SPRYD4: variants seen among roughly 807,000 people sequenced by gnomAD.
The protein encoded by SPRYD4 is SPRY domain-containing protein 4.
A neutral mutation model predicts 16.6 loss-of-function variants in SPRYD4; 12 were observed. That is an observed-to-expected ratio of 0.72 (90% CI 0.46 to 1.17). SPRYD4 has a LOEUF of 1.17. Among genes scored for constraint, SPRYD4 ranks in the 50% most tolerant of loss-of-function variants. SPRYD4 has a pLI of 0.00. For synonymous variants in SPRYD4, 98 were observed against 105.4 expected (o/e 0.93, Z 0.43); for missense variants, 260 against 260.2 (o/e 1.00, Z 0.00).
chr12:56,473,767 A>G lies in SPRYD4; in HGVS notation c.*4190A>G, dbSNP rs7306152. 2,474 of 705,390 alleles carry G rather than the reference A, an allele frequency of 3.5e-3. 52 individuals carry two copies. In the African/African-American group the frequency reaches 0.041, roughly 12 times the overall value. 43.7% of individuals were successfully genotyped at this position (705,390 alleles called of 1,614,324 possible). ...TTACTCCTGTCCTTTCCTTCCCTTA[A>G]ATTCATTGATTCAGCTAGAAAATAT... is the stretch of plus-strand genomic sequence containing the variant. On this transcript the variant is annotated 3_prime_UTR_variant, in exon 2 of 2. Transcript: ENST00000338146.
chr12:56,472,566 A>T lies in SPRYD4; in HGVS notation c.*2989A>T. The T allele has an allele frequency of 2.4e-6, 2 of 841,532 alleles. No homozygotes were observed. Among genetic ancestry groups the T allele is most frequent in the Non-Finnish European group, 3.8e-6 (2 of 529,362 alleles). 52.1% of individuals were successfully genotyped at this position (841,532 alleles called of 1,614,324 possible). A position where few individuals can be genotyped will look rare whatever the true frequency, so the allele number is the denominator to read the frequency against. ...CTCCTTTTTTAAAAAAATTTCATTT[A>T]AATGCAATCTATATCCATTCTAATT... On this transcript the variant is annotated 3_prime_UTR_variant, in exon 2 of 2. Coordinates refer to ENST00000338146, the MANE Select transcript of SPRYD4 (RefSeq NM_207344.4).
chr12:56,469,067 C>T lies in SPRYD4; in HGVS notation c.114C>T (p.Thr38=), dbSNP rs773611493. 26 of 1,571,688 alleles carry T rather than the reference C, an allele frequency of 1.7e-5. No individual in the cohort carries two copies. The highest frequency in any genetic ancestry group is 4.1e-5 in the African/African-American group (3 of 73,036). The stretch of plus-strand genomic sequence containing the variant: ...TCAGTTTCAAACTGGAAGAAAAAAC[C>T]GCCCACAGCAGCCTGGCACTCTTCA... ...RGVSFKLEEK[T]AHSSLALFRD... is the part of the protein sequence containing the mutation. Residue 38 remains threonine (T), a synonymous_variant, in exon 2 of 2, where the codon ACC becomes ACT. Transcript: ENST00000338146.
At position 56,475,605 on chromosome 12, in the gene SPRYD4, C is replaced by T. The variant is rs1869738607; in HGVS notation, c.*6028C>T. Reference sequence around the variant, plus strand: ...ATACACCACAATGCTTTCAGTCAGTCCTCTGAGTAGGGACTTACGTGGCAT... The same window carrying T: ...ATACACCACAATGCTTTCAGTCAGTTCTCTGAGTAGGGACTTACGTGGCAT... On this transcript the variant is annotated 3_prime_UTR_variant, in exon 2 of 2. Transcript: ENST00000338146. The T allele has an allele frequency of 6.2e-7, 1 of 1,613,548 alleles. No individual in the cohort carries two copies. The highest frequency in any genetic ancestry group is 1.7e-4 in the Middle Eastern group (1 of 6,060).
At position 56,469,696 on chromosome 12, in the gene SPRYD4, C is replaced by T. The variant is rs765699508; in HGVS notation, c.*119C>T. 2.1e-6 allele frequency: 2 copies of T among 965,204 alleles called. No homozygotes were observed. Among genetic ancestry groups the T allele is most frequent in the African/African-American group, 1.7e-5 (1 of 60,586 alleles). The allele number at this position is 965,204 out of a possible 1,614,324, so 59.8% of individuals were successfully genotyped here. The stretch of plus-strand genomic sequence containing the variant: ...CTCCCACAATTCAGTGTTGGGTCCT[C>T]TGTGCAATATCATGATCATCTTCCT... On this transcript the variant is annotated 3_prime_UTR_variant, in exon 2 of 2. Coordinates refer to ENST00000338146, the MANE Select transcript of SPRYD4 (RefSeq NM_207344.4).
chr12:56,468,777 C>G, intron 1 of SPRYD4, 101 bp downstream of exon 1: 1 of 1,287,638 alleles, frequency 7.8e-7, no homozygotes, highest in Middle Eastern at 1.9e-4. Context: ...CGGGTCTTTT[C>G]CTTCCCCACC....
Position 56,476,954 on chromosome 12 carries a change from C to T in SPRYD4, c.*7377C>T, listed in dbSNP as rs1869882884. The T allele has an allele frequency of 6.6e-6, 1 of 152,204 alleles. No individual in the cohort carries two copies. The highest frequency in any genetic ancestry group is 6.5e-5 in the Admixed American group (1 of 15,274). The allele number at this position is 152,204 out of a possible 1,614,324, so 9.4% of individuals were successfully genotyped here. On this transcript the variant is annotated 3_prime_UTR_variant, in exon 2 of 2. Transcript: ENST00000338146. ...AATGGGATGAGGCAGGTCCCAGATACAGGTTTGTAGATGGAGCCATCACAG... is the reference window on the plus strand; with the variant it reads ...AATGGGATGAGGCAGGTCCCAGATATAGGTTTGTAGATGGAGCCATCACAG...
chr12:56,468,652 G>C lies in SPRYD4; in HGVS notation c.61G>C (p.Val21Leu). 6.2e-7 allele frequency: 1 copy of C among 1,614,136 alleles called. No homozygotes were observed. Among genetic ancestry groups the C allele is most frequent in the South Asian group, 1.1e-5 (1 of 91,084 alleles). The change falls in exon 1 of 2, where the codon GTT becomes CTT. Residue 21 changes from valine to leucine, a missense_variant. Val to Leu is a conservative substitution (Grantham distance 32). Transcript: ENST00000338146. ...CCGCTGGGGAGCCAAACGATTGGGA[G>C]TTGCCTCCACAGAGGCCCAGAGAGG... is the stretch of plus-strand genomic sequence containing the variant. ...LCRWGAKRLGVASTEAQRGVS... is the reference protein window; with the variant it reads ...LCRWGAKRLGLASTEAQRGVS...
Position 56,469,483 on chromosome 12 carries a change from A to C in SPRYD4, c.530A>C (p.Gln177Pro). ...CAGGTCTCTGTGGTTCACACGCTAC[A>C]GACAGATTTCCGGGGTCCAGTGGTG... ...VSQVSVVHTL[Q>P]TDFRGPVVPA... is the part of the protein sequence containing the mutation. Residue 177 changes from glutamine to proline, a missense_variant, in exon 2 of 2, where the codon CAG becomes CCG. Transcript: ENST00000338146. The C allele has an allele frequency of 6.2e-7, 1 of 1,614,118 alleles. No homozygotes were observed. Among genetic ancestry groups the C allele is most frequent in the Non-Finnish European group, 8.5e-7 (1 of 1,180,010 alleles).
chr12:56,473,400 G>A lies in SPRYD4; in HGVS notation c.*3823G>A, dbSNP rs934110124. Reference sequence around the variant, plus strand: ...TCAAAATTGCTTTATTATAGTAAAAGTGGTACCATTAAACAAATTTATTGC... The same window carrying A: ...TCAAAATTGCTTTATTATAGTAAAAATGGTACCATTAAACAAATTTATTGC... On this transcript the variant is annotated 3_prime_UTR_variant, in exon 2 of 2. Transcript: ENST00000338146. 1.9e-6 allele frequency: 3 copies of A among 1,604,406 alleles called. No homozygotes were observed. The African/African-American group carries it at 4.0e-5, about 22-fold the overall frequency.
Position 56,476,197 on chromosome 12 carries a change from T to TGGAGTGCAG in SPRYD4, c.*6620_*6621insGGAGTGCAG. On this transcript the variant is annotated 3_prime_UTR_variant, in exon 2 of 2. Transcript: ENST00000338146. ...TTGAGACAGTCTTGCTTTGTCACCC[T>TGGAGTGCAG]TGTCACCCAGGCTGGAGTGCAGTGG... is the stretch of plus-strand genomic sequence containing the variant. 1 of 101,994 alleles carries TGGAGTGCAG rather than the reference T, an allele frequency of 9.8e-6. No individual in the cohort carries two copies. Among genetic ancestry groups the TGGAGTGCAG allele is most frequent in the South Asian group, 9.6e-5 (1 of 10,466 alleles). The allele number at this position is 101,994 out of a possible 1,614,324, so 6.3% of individuals were successfully genotyped here. A position where few individuals can be genotyped will look rare whatever the true frequency, so the allele number is the denominator to read the frequency against.
chr12:56,468,824 T>G lies in SPRYD4; in HGVS notation c.85+148T>G, dbSNP rs531072108. The G allele has an allele frequency of 1.6e-5, 17 of 1,049,642 alleles. No homozygotes were observed. The South Asian group carries it at 2.3e-4, about 14-fold the overall frequency. The allele number at this position is 1,049,642 out of a possible 1,614,324, so 65.0% of individuals were successfully genotyped here. ...TAAGATTCCAAACCTGTGATACCAT[T>G]TGGTTTCTTTAAATTCCGGGACTTA... On this transcript the variant is annotated intron_variant, in intron 1 of 1. Transcript: ENST00000338146.
chr12:56,469,867 T>C lies in SPRYD4; in HGVS notation c.*290T>C. 1 of 430,390 alleles carries C rather than the reference T, an allele frequency of 2.3e-6. No individual in the cohort carries two copies. The highest frequency in any genetic ancestry group is 3.3e-5 in the South Asian group (1 of 30,760). 26.7% of individuals were successfully genotyped at this position (430,390 alleles called of 1,614,324 possible). ...CTCTGCCTCCCTTTGCCCAGGCCTT[T>C]CTCAGACTGTATTCCATCCTGGGGT... On this transcript the variant is annotated 3_prime_UTR_variant, in exon 2 of 2. Coordinates refer to ENST00000338146, the MANE Select transcript of SPRYD4 (RefSeq NM_207344.4).
rs966906086 is a variant in SPRYD4 at position 56,473,896 on chromosome 12, C to T, written c.*4319C>T. On this transcript the variant is annotated 3_prime_UTR_variant, in exon 2 of 2. Transcript: ENST00000338146. ...TAATAAACAGGTAAATAAATAGACA[C>T]GTAATGTTTAAAGTAATTGTGATAA... 3.5e-4 allele frequency: 96 copies of T among 275,398 alleles called. No homozygotes were observed. The highest frequency in any genetic ancestry group is 2.0e-3 in the East Asian group (28 of 13,680). The allele number at this position is 275,398 out of a possible 1,614,324, so 17.1% of individuals were successfully genotyped here. A position where few individuals can be genotyped will look rare whatever the true frequency, so the allele number is the denominator to read the frequency against.
chr12:56,472,846 A>G lies in SPRYD4; in HGVS notation c.*3269A>G. On this transcript the variant is annotated 3_prime_UTR_variant, in exon 2 of 2. Coordinates refer to ENST00000338146, the MANE Select transcript of SPRYD4 (RefSeq NM_207344.4). Reference sequence around the variant, plus strand: ...CTCCATGGATGCTTAGTCCAAGGGTATTGCTGAAGTGTTATGGAATGTGCT... The same window carrying G: ...CTCCATGGATGCTTAGTCCAAGGGTGTTGCTGAAGTGTTATGGAATGTGCT... The G allele has an allele frequency of 1.3e-6, 1 of 793,874 alleles. No homozygotes were observed. The highest frequency in any genetic ancestry group is 1.4e-5 in the South Asian group (1 of 72,416). The allele number at this position is 793,874 out of a possible 1,614,324, so 49.2% of individuals were successfully genotyped here. A position where few individuals can be genotyped will look rare whatever the true frequency, so the allele number is the denominator to read the frequency against.
chr12:56,474,327 G>C lies in SPRYD4; in HGVS notation c.*4750G>C. ...TGGTCTCGAACTCCTGACCTCAGGT[G>C]ATCCACCTGCCTCGGCCTCCCAAAG... On this transcript the variant is annotated 3_prime_UTR_variant, in exon 2 of 2. Transcript: ENST00000338146. 1 of 568,966 alleles carries C rather than the reference G, an allele frequency of 1.8e-6. No homozygotes were observed. The highest frequency in any genetic ancestry group is 3.1e-6 in the Non-Finnish European group (1 of 322,930). 35.2% of individuals were successfully genotyped at this position (568,966 alleles called of 1,614,324 possible).
Position 56,475,232 on chromosome 12 carries a change from T to G in SPRYD4, c.*5655T>G. 1.9e-6 allele frequency: 3 copies of G among 1,594,828 alleles called. No homozygotes were observed. Among genetic ancestry groups the G allele is most frequent in the Non-Finnish European group, 2.6e-6 (3 of 1,176,444 alleles). On this transcript the variant is annotated 3_prime_UTR_variant, in exon 2 of 2. Transcript: ENST00000338146. The stretch of plus-strand genomic sequence containing the variant: ...ACCACAAACTAAATGAACCCCTTTA[T>G]AACTTCTCACAGTAATATTAGAGGA...
rs1171988960 is a variant in SPRYD4, at chr12:56,475,445, A to G, written c.*5868A>G. On this transcript the variant is annotated 3_prime_UTR_variant, in exon 2 of 2. Transcript: ENST00000338146. ...ATTATGTACTAATTAGAAATGGAAC[A>G]AATTATTTTACAAGATAAACAAATG... is the stretch of plus-strand genomic sequence containing the variant. 1 of 720,922 alleles carries G rather than the reference A, an allele frequency of 1.4e-6. No individual in the cohort carries two copies. Among genetic ancestry groups the G allele is most frequent in the South Asian group, 1.9e-5 (1 of 52,604 alleles). 44.7% of individuals were successfully genotyped at this position (720,922 alleles called of 1,614,324 possible).
chr12:56,472,117 A>T lies in SPRYD4; in HGVS notation c.*2540A>T, dbSNP rs763338300. 2 of 1,613,992 alleles carry T rather than the reference A, an allele frequency of 1.2e-6. No individual in the cohort carries two copies. Among genetic ancestry groups the T allele is most frequent in the African/African-American group, 2.7e-5 (2 of 74,916 alleles). ...CTCCTCCCCTCCTTAACCCTTCAGT[A>T]CCTTCAGCTGCAGCAACATGCAGAG... On this transcript the variant is annotated 3_prime_UTR_variant, in exon 2 of 2. Transcript: ENST00000338146.
chr12:56,471,229 A>T lies in SPRYD4; in HGVS notation c.*1652A>T, dbSNP rs1869232229. On this transcript the variant is annotated 3_prime_UTR_variant, in exon 2 of 2. Transcript: ENST00000338146. ...AGCTGGGATGGTTTTGAGTGGGGCA[A>T]GCCATTAGGCTGTACCTTGAAGCCC... 1 of 448,340 alleles carries T rather than the reference A, an allele frequency of 2.2e-6. No individual in the cohort carries two copies. Among genetic ancestry groups the T allele is most frequent in the Non-Finnish European group, 3.9e-6 (1 of 256,582 alleles). The allele number at this position is 448,340 out of a possible 1,614,324, so 27.8% of individuals were successfully genotyped here. A position where few individuals can be genotyped will look rare whatever the true frequency, so the allele number is the denominator to read the frequency against.
Sources: gnomAD v4.1 joint callset for allele counts on GRCh38, gnomAD v4.1.1 for gene constraint, MANE v1.5 for transcripts, NCBI Gene and HGNC (gene_info 2026-07-23, HGNC 2026-07-21) for gene names.